GPHN: variants seen among roughly 807,000 people sequenced by gnomAD.
The protein encoded by GPHN is gephyrin.
GPHN carries 17 observed loss-of-function variants against 95.5 expected under a neutral mutation model. The ratio of observed to expected loss-of-function variants is 0.18; its 90% CI spans 0.12 to 0.27. The LOEUF (loss-of-function observed/expected upper bound fraction) is 0.27. Ranked by LOEUF, GPHN falls within the 10% of genes least tolerant of loss-of-function variation. The pLI is 1.00. For synonymous variants in GPHN, 320 were observed against 322.5 expected, an observed-to-expected ratio of 0.99 and a Z score of 0.08; for missense variants, 660 against 978.1, an observed-to-expected ratio of 0.67 and a Z score of 4.34.
chr14:66,961,910 A>ATG (rs1430614418), intron 8 of GPHN, among the ~76,000 whole-genome samples: 3 of 65,178 alleles, frequency 4.6e-5, no homozygotes, highest in Non-Finnish European at 9.7e-5. Flanking sequence ...GTATATATAT[A>ATG]TATATATATA....
the GPHN span, among the ~76,000 whole-genome samples, chr14:67,406,719 G>A: frequency 1.4e-3 from 206 of 152,322 alleles, no homozygotes; most frequent in African/African-American, 4.8e-3. Flanking sequence ...TCAGCTGGAG[G>A]CTGCTGGAAT....
At chr14:66,802,974 C>T (rs2060414117) in intron 3 of GPHN, among the ~76,000 whole-genome samples, 2 of 152,114 alleles carry the variant, frequency 1.3e-5, no homozygotes, top group African/African-American at 4.8e-5. Context: ...TCGCTTCCCT[C>T]TCCACCCCCA....
In GPHN at chr14:66,508,265, C is replaced by T. The variant is rs1415090981; in HGVS notation, c.-263C>T. The T allele has an allele frequency of 1.1e-4, 61 of 571,780 alleles. No individual in the cohort carries two copies. Among genetic ancestry groups the T allele is most frequent in the Non-Finnish European group, 3.1e-6 (1 of 319,608 alleles). The allele number at this position is 571,780 out of a possible 1,614,324, so 35.4% of individuals were successfully genotyped here. ...GCTCTCCCCGTGCGGCCACCGCGCC[C>T]CCCAAGCTTGCCTCCTTCTTGCCGG... On this transcript the variant is annotated 5_prime_UTR_variant, in exon 1 of 23. Coordinates refer to ENST00000478722, the MANE Select transcript of GPHN (RefSeq NM_020806.5).
At chr14:66,592,446 C>G (rs879964038) in intron 1 of GPHN, among the ~76,000 whole-genome samples, 2 of 133,778 alleles carry the variant, frequency 1.5e-5, no homozygotes, top group East Asian at 4.5e-4. Context: ...GAAACTTAAA[C>G]AAATATACAA....
chr14:67,114,641 G>A (rs1757717963), intron 16 of GPHN, among the ~76,000 whole-genome samples: 1 of 152,200 alleles, frequency 6.6e-6, no homozygotes, highest in African/African-American at 2.4e-5. Context: ...AGTGAGCTAT[G>A]ATGGCACTAC....
At chr14:67,317,054 A>C in the GPHN span, 1 of 623,816 alleles carries the variant, frequency 1.6e-6, no homozygotes, top group Admixed American at 3.2e-5. Context: ...TAAAGAAAGG[A>C]TAAGATTTAA....
the GPHN span, chr14:67,473,990 C>A: frequency 5.4e-6 from 8 of 1,488,842 alleles, no homozygotes; most frequent in Non-Finnish European, 7.1e-6. The surrounding 1 kb of genome is among the most constrained non-coding windows in gnomAD (Gnocchi z 6.5). Context: ...CGGTGGCTCA[C>A]GCCTATAATC....
At chr14:67,009,028 T>A (rs1282400578) in intron 9 of GPHN, among the ~76,000 whole-genome samples, 2 of 152,168 alleles carry the variant, frequency 1.3e-5, no homozygotes, top group African/African-American at 4.8e-5. Flanking sequence ...GTTCCATTAC[T>A]TATTACCTCA....
At chr14:67,714,320 A>G in the GPHN span, among the ~76,000 whole-genome samples, 1 of 151,494 alleles carries the variant, frequency 6.6e-6, no homozygotes, top group Non-Finnish European at 1.5e-5. Flanking sequence ...TCATTTTTTT[A>G]GTAGAGCTGA....
At chr14:67,542,030 G>T in the GPHN span, 1 of 1,554,884 alleles carries the variant, frequency 6.4e-7, no homozygotes, top group East Asian at 2.4e-5. Flanking sequence ...CTCTCCACAC[G>T]CAGAGGTTTA....
intron 2 of GPHN, among the ~76,000 whole-genome samples, chr14:66,761,476 C>T (rs561742954): frequency 4.6e-5 from 7 of 152,028 alleles, no homozygotes; most frequent in African/African-American, 7.2e-5. Context: ...TTCCTGTTTT[C>T]GTTTATTTGC....
chr14:66,538,050 T>C (rs1269147753), intron 1 of GPHN, among the ~76,000 whole-genome samples: 1 of 152,188 alleles, frequency 6.6e-6, no homozygotes, highest in African/African-American at 2.4e-5. Context: ...CAGGCTGGTC[T>C]CAAACTCCTG....
intron 1 of GPHN, among the ~76,000 whole-genome samples, chr14:66,658,023 A>G (rs1303486433): frequency 6.6e-6 from 1 of 152,210 alleles, no homozygotes; most frequent in Non-Finnish European, 1.5e-5. Context: ...ACCATTCTAG[A>G]TGCCATTCAT....
the GPHN span, chr14:67,615,827 G>T: frequency 3.3e-6 from 2 of 605,542 alleles, no homozygotes; most frequent in East Asian, 6.7e-5. Context: ...AGTCAAAAGA[G>T]AACATTCTGG....
chr14:67,301,426 G>T, the GPHN span: 5 of 1,610,442 alleles, frequency 3.1e-6, no homozygotes, highest in African/African-American at 6.7e-5. Flanking sequence ...CATAAGGAAG[G>T]ACAAGAACTA....
chr14:66,674,761 A>G (rs1187480602), intron 1 of GPHN, among the ~76,000 whole-genome samples: 3 of 152,208 alleles, frequency 2.0e-5, no homozygotes, highest in Admixed American at 2.0e-4. Context: ...GATATTGTGA[A>G]TCATGCTTCA....
intron 6 of GPHN, among the ~76,000 whole-genome samples, chr14:66,916,848 C>CT (rs1009625310): frequency 6.6e-6 from 1 of 152,068 alleles, no homozygotes; most frequent in Admixed American, 6.6e-5. Flanking sequence ...TTGGCCAAGG[C>CT]TTTTTTTATT....
chr14:66,689,681 GC>G (rs2067647022), intron 2 of GPHN, among the ~76,000 whole-genome samples: 1 of 152,072 alleles, frequency 6.6e-6, no homozygotes, highest in South Asian at 2.1e-4. Context: ...AGGGTCCCAG[GC>G]TTTTTTAAAA....
rs561458564 is a variant in GPHN at position 66,508,504 on chromosome 14, A to C, written c.-24A>C. The C allele has an allele frequency of 6.2e-7, 1 of 1,611,810 alleles. No homozygotes were observed. Among genetic ancestry groups the C allele is most frequent in the South Asian group, 1.1e-5 (1 of 91,046 alleles). ...GCTCCGGTTTCTCCCGGCTCCTGTC[A>C]GTGCGGTGACTGCGCTGGGAAACAT... On this transcript the variant is annotated 5_prime_UTR_variant, in exon 1 of 23. Coordinates refer to ENST00000478722, the MANE Select transcript of GPHN (RefSeq NM_020806.5).
Sources: gnomAD v4.1 joint callset for allele counts (sites outside exome capture counted in the v4.1 genomes callset) on GRCh38, gnomAD v4.1.1 for gene constraint, Gnocchi (gnomAD v3.1) non-coding constraint, MANE v1.5 for transcripts, NCBI Gene and HGNC (gene_info 2026-07-23, HGNC 2026-07-21) for gene names.